PPM1L: variants seen among roughly 807,000 people sequenced by gnomAD.
PPM1L encodes protein phosphatase 1L.
A neutral mutation model predicts 31.4 loss-of-function variants in PPM1L; 13 were observed. The ratio of observed to expected loss-of-function variants is 0.41; its 90% CI spans 0.27 to 0.66. The LOEUF is 0.66. Ranked by LOEUF, PPM1L falls within the 30% of genes least tolerant of loss-of-function variation. PPM1L has a pLI of 0.29. For synonymous variants in PPM1L, 184 were observed against 175.4 expected (o/e 1.05, Z -0.39); for missense variants, 326 against 453.7 (o/e 0.72, Z 2.56).
At chr3:161,024,756 A>C (rs948107336) in intron 2 of PPM1L, among the ~76,000 whole-genome samples, 1 of 151,354 alleles carries the variant, frequency 6.6e-6, no homozygotes, top group African/African-American at 2.4e-5. Context: ...GCTCCCAGAC[A>C]GGTCAGATGG....
intron 2 of PPM1L, among the ~76,000 whole-genome samples, chr3:161,005,849 A>G (rs1435727397): frequency 6.6e-6 from 1 of 152,230 alleles, no homozygotes; most frequent in Non-Finnish European, 1.5e-5. Context: ...AGATTAAAAT[A>G]TAAAAAGGTT....
intron 2 of PPM1L, among the ~76,000 whole-genome samples, chr3:161,030,639 G>C (rs1449489994): frequency 6.6e-6 from 1 of 152,038 alleles, no homozygotes; most frequent in African/African-American, 2.4e-5. Context: ...TCATTTAGAG[G>C]ACTACCAATT....
At chr3:161,028,423 G>A (rs1041992438) in intron 2 of PPM1L, among the ~76,000 whole-genome samples, 10 of 152,160 alleles carry the variant, frequency 6.6e-5, no homozygotes, top group Admixed American at 2.6e-4. Flanking sequence ...GTGTGAGTGA[G>A]ACAATCTTAG....
intron 2 of PPM1L, among the ~76,000 whole-genome samples, chr3:160,964,392 A>G (rs1321043117): frequency 1.3e-5 from 2 of 151,546 alleles, no homozygotes; most frequent in African/African-American, 4.9e-5. Flanking sequence ...ATCATAAAAA[A>G]GAAAAAATAT....
chr3:160,934,078 G>C (rs1714877866), intron 1 of PPM1L, among the ~76,000 whole-genome samples: 2 of 152,224 alleles, frequency 1.3e-5, no homozygotes, highest in African/African-American at 4.8e-5. Context: ...GATGTAAGTT[G>C]ACAAGTTGAA....
At chr3:160,800,131 TA>T (rs1352978723) in intron 1 of PPM1L, among the ~76,000 whole-genome samples, 6 of 152,244 alleles carry the variant, frequency 3.9e-5, no homozygotes, top group Admixed American at 3.9e-4. Flanking sequence ...CTAAATTGTT[TA>T]AATTGTCTAT....
chr3:160,934,118 A>G (rs929024452), intron 1 of PPM1L, among the ~76,000 whole-genome samples: 6 of 152,200 alleles, frequency 3.9e-5, no homozygotes, highest in Non-Finnish European at 5.9e-5. Flanking sequence ...TGGATGATCA[A>G]TTTTTTAAAA....
intron 2 of PPM1L, among the ~76,000 whole-genome samples, chr3:161,044,596 T>A (rs1281401034): frequency 6.6e-6 from 1 of 151,824 alleles, no homozygotes; most frequent in African/African-American, 2.4e-5. Flanking sequence ...CCACCAGGCC[T>A]GCCCTACAAG....
intron 1 of PPM1L, among the ~76,000 whole-genome samples, chr3:160,903,111 G>C (rs1420452660): frequency 6.7e-6 from 1 of 149,294 alleles, no homozygotes; most frequent in South Asian, 2.1e-4. Flanking sequence ...CCCAAGGTTA[G>C]GTGTGGAATA....
chr3:161,044,543 C>T (rs1205992323), intron 2 of PPM1L, among the ~76,000 whole-genome samples: 1 of 151,750 alleles, frequency 6.6e-6, no homozygotes, highest in Admixed American at 6.6e-5. Context: ...AGTTCAAGGT[C>T]AGTCTGGGCA....
chr3:160,841,119 G>A (rs1713866278), intron 1 of PPM1L, among the ~76,000 whole-genome samples: 1 of 152,054 alleles, frequency 6.6e-6, no homozygotes, highest in Admixed American at 6.6e-5. Context: ...TCTGGGGTTG[G>A]GAATTTGGAT....
chr3:160,916,325 G>GC, intron 1 of PPM1L, among the ~76,000 whole-genome samples: 1 of 151,978 alleles, frequency 6.6e-6, no homozygotes, highest in Non-Finnish European at 1.5e-5. Flanking sequence ...ATCATCACTG[G>GC]CCATCAGAGA....
intron 1 of PPM1L, among the ~76,000 whole-genome samples, chr3:160,841,583 C>A (rs1003918675): frequency 1.3e-5 from 2 of 152,066 alleles, no homozygotes; most frequent in African/African-American, 4.8e-5. Context: ...ATTGATTAGC[C>A]TTTGAATGGA....
At chr3:160,973,877 A>AT (rs1229922993) in intron 2 of PPM1L, among the ~76,000 whole-genome samples, 2 of 131,004 alleles carry the variant, frequency 1.5e-5, no homozygotes, top group East Asian at 2.3e-4. Flanking sequence ...TTATTTATGT[A>AT]TTTTTTATTA....
At chr3:160,957,863 AC>A in intron 1 of PPM1L, among the ~76,000 whole-genome samples, 2 of 152,212 alleles carry the variant, frequency 1.3e-5, no homozygotes, top group Middle Eastern at 6.8e-3. Context: ...GGCGTGAGCC[AC>A]TGCGGCCGGC....
In PPM1L at chr3:160,963,942, A is replaced by G. The variant is rs571074247; in HGVS notation, c.574+2032A>G. Among the ~76,000 whole-genome samples the G allele has an allele frequency of 2.5e-4, 38 of 152,204 alleles. 1 individual carries two copies. The South Asian group carries it at 7.0e-3, about 28-fold the overall frequency. ...AGAGGATCTAAGGTCTAGGCCTTCC[A>G]CCAGGTTAATACTGGTGTGATCTTC... On this transcript the variant is annotated intron_variant, in intron 2 of 3. Coordinates refer to ENST00000498165, the MANE Select transcript of PPM1L (RefSeq NM_139245.4).
At chr3:161,030,532 T>C (rs1718534244) in intron 2 of PPM1L, among the ~76,000 whole-genome samples, 2 of 152,198 alleles carry the variant, frequency 1.3e-5, no homozygotes, top group African/African-American at 4.8e-5. Flanking sequence ...TATTTTGTTA[T>C]AGCAGCCTAA....
At chr3:161,001,117 C>T (rs1420924710) in intron 2 of PPM1L, among the ~76,000 whole-genome samples, 1 of 152,094 alleles carries the variant, frequency 6.6e-6, no homozygotes, top group East Asian at 1.9e-4. Flanking sequence ...TAACAATAAT[C>T]ATTTGTTTCT....
At chr3:160,827,375 T>C (rs1361775509) in intron 1 of PPM1L, among the ~76,000 whole-genome samples, 1 of 152,102 alleles carries the variant, frequency 6.6e-6, no homozygotes, top group Non-Finnish European at 1.5e-5. Flanking sequence ...TTACCTTCTC[T>C]TTTCCCCCTC....
Sources: gnomAD v4.1 joint callset for allele counts (sites outside exome capture counted in the v4.1 genomes callset) on GRCh38, gnomAD v4.1.1 for gene constraint, MANE v1.5 for transcripts, NCBI Gene and HGNC (gene_info 2026-07-23, HGNC 2026-07-21) for gene names.